ABCA13: variants seen among roughly 807,000 people sequenced by gnomAD.
ABCA13 encodes ATP-binding cassette sub-family A member 13.
In ABCA13, 476 loss-of-function variants were observed where a neutral mutation model predicts 478.7. That is an observed-to-expected ratio of 0.99 (90% CI 0.92 to 1.07). The LOEUF is 1.07. ABCA13 is among the 50% of genes least tolerant of loss of function. The probability of loss-of-function intolerance (pLI) is 0.00; values close to 1 mark genes in which losing one functional copy is unlikely to be tolerated. For missense variants in ABCA13, 6,060 were observed against 5,910.6 expected, an observed-to-expected ratio of 1.03 and a Z score of -0.83; for synonymous variants, 2,252 against 2,158.9, an observed-to-expected ratio of 1.04 and a Z score of -1.20.
intron 56 of ABCA13, 121 bp from the exon 57 acceptor site, chr7:48,587,033 T>G: frequency 7.7e-7 from 1 of 1,303,496 alleles, no homozygotes; most frequent in Non-Finnish European, 1.1e-6. Context: ...ATGTACTTGA[T>G]TGTATGTGTG....
At chr7:48,328,629 G>A (rs1025219893) in intron 27 of ABCA13, among the ~76,000 whole-genome samples, 1 of 151,774 alleles carries the variant, frequency 6.6e-6, no homozygotes, top group African/African-American at 2.4e-5. Flanking sequence ...TCCATCATTC[G>A]TTTTCCTGTC....
intron 39 of ABCA13, among the ~76,000 whole-genome samples, chr7:48,407,112 G>A (rs1257430121): frequency 6.6e-6 from 1 of 152,028 alleles, no homozygotes; most frequent in African/African-American, 2.4e-5. Context: ...GTGATGTTTT[G>A]ATACACTGTT....
At chr7:48,594,488 T>C (rs1790079636) in intron 57 of ABCA13, among the ~76,000 whole-genome samples, 1 of 152,156 alleles carries the variant, frequency 6.6e-6, no homozygotes, top group South Asian at 2.1e-4. Context: ...CTGGGTAGCA[T>C]GCTGCATGGC....
intron 59 of ABCA13, among the ~76,000 whole-genome samples, chr7:48,642,454 G>C (rs1795162095): frequency 6.6e-6 from 1 of 152,152 alleles, no homozygotes. Flanking sequence ...ACCAGTGCTA[G>C]GTACTAGGTA....
intron 16 of ABCA13, among the ~76,000 whole-genome samples, chr7:48,270,963 TGTATTATCCTGC>T (rs1446277172): frequency 6.6e-6 from 1 of 152,200 alleles, no homozygotes; most frequent in Non-Finnish European, 1.5e-5. Flanking sequence ...CAGTTTCAAG[TGTATTATCCTGC>T]GTCGCGAGAT....
intron 3 of ABCA13, among the ~76,000 whole-genome samples, chr7:48,199,362 C>T (rs1044954944): frequency 6.6e-6 from 1 of 152,124 alleles, no homozygotes; most frequent in Admixed American, 6.5e-5. Context: ...GATCAAGGTG[C>T]CAGCTGATCT....
At chr7:48,581,382 G>A (rs1300874670) in intron 56 of ABCA13, among the ~76,000 whole-genome samples, 2 of 152,114 alleles carry the variant, frequency 1.3e-5, no homozygotes, top group Non-Finnish European at 2.9e-5. Flanking sequence ...TAAGGACTCT[G>A]GCCCCTTTTC....
At chr7:48,298,523 T>C (rs1329412092) in intron 23 of ABCA13, 36 bp downstream of exon 23, 3 of 1,599,140 alleles carry the variant, frequency 1.9e-6, no homozygotes, top group African/African-American at 1.3e-5. Context: ...GTTTTGCTCA[T>C]GGAAGGAGCC....
chr7:48,483,152 A>G lies in ABCA13; in HGVS notation c.13171A>G (p.Thr4391Ala), dbSNP rs775426454. 6 of 1,612,270 alleles carry G rather than the reference A, an allele frequency of 3.7e-6. No homozygotes were observed. In the East Asian group the frequency reaches 1.3e-4, roughly 36 times the overall value. Residue 4391 changes from threonine (T) to alanine (A), a missense_variant, in exon 47 of 62, where the codon ACT (threonine) becomes GCT (alanine). Physicochemically the swap from Thr to Ala is moderately conservative, Grantham distance 58 (BLOSUM62 0). Around this residue, in one of 3 missense-constraint regions of ABCA13, gnomAD observed 1,627 missense variants for 1,571.0 expected, o/e 1.04. Transcript: ENST00000435803. The part of the protein sequence containing the change: ...GANGNISKPP[T>A]LAKVWYNQKG... ...AAATGGAAACATATCAAAACCCCCAACTCTGGCAAAGGTAATCATATTTTT... is the reference window on the plus strand; with the variant it reads ...AAATGGAAACATATCAAAACCCCCAGCTCTGGCAAAGGTAATCATATTTTT...
rs1378561510 is a variant in ABCA13, at chr7:48,507,880, G to A, written c.13355G>A (p.Ser4452Asn). 2.5e-6 allele frequency: 4 copies of A among 1,607,650 alleles called. No individual in the cohort carries two copies. Among genetic ancestry groups the A allele is most frequent in the East Asian group, 2.2e-5 (1 of 44,580 alleles). The change falls in exon 50 of 62, where the codon AGC becomes AAC. Residue 4452 changes from serine to asparagine, a missense_variant. Around this residue, in one of 3 missense-constraint regions of ABCA13, gnomAD observed 1,627 missense variants for 1,571.0 expected, o/e 1.04. Transcript: ENST00000435803. ...ALLNEDKILE[S>N]IRQCGVALCI... The stretch of plus-strand genomic sequence containing the variant: ...CTCTGTTCCACCCGCAGCCTGGAGA[G>A]CATCCGTCAGTGTGGAGTGGCCCTC...
intron 37 of ABCA13, 44 bp from the exon 38 acceptor site, chr7:48,391,877 A>G: frequency 6.4e-6 from 10 of 1,560,972 alleles, no homozygotes; most frequent in Non-Finnish European, 7.9e-6. Flanking sequence ...CGTTCACAGT[A>G]TCAGCAACGC....
intron 30 of ABCA13, among the ~76,000 whole-genome samples, 160 bp downstream of exon 30, chr7:48,350,979 A>T (rs1450328884): frequency 6.6e-6 from 1 of 152,252 alleles, no homozygotes; most frequent in Admixed American, 6.5e-5. Context: ...CCTTGGATAA[A>T]ACATAAAATG....
intron 55 of ABCA13, among the ~76,000 whole-genome samples, chr7:48,559,346 G>A (rs1040268025): frequency 1.3e-5 from 2 of 152,092 alleles, no homozygotes; most frequent in Non-Finnish European, 2.9e-5. Flanking sequence ...CAAGGCCAAC[G>A]CTGATGTCCC....
intron 24 of ABCA13, among the ~76,000 whole-genome samples, chr7:48,311,686 A>T (rs1279164818): frequency 1.3e-5 from 2 of 152,202 alleles, no homozygotes; most frequent in African/African-American, 2.4e-5. Context: ...CATTAATAAC[A>T]ACAGCTCTTA....
intron 7 of ABCA13, 79 bp from the exon 8 acceptor site, chr7:48,233,939 G>T: frequency 6.6e-7 from 1 of 1,513,730 alleles, no homozygotes; most frequent in Non-Finnish European, 9.0e-7. Context: ...GTGAAAAAAG[G>T]TATTTTTTTT....
intron 7 of ABCA13, among the ~76,000 whole-genome samples, chr7:48,232,139 A>ATTTTTTTTTGTTTTTTTTT (rs1789205405): frequency 1.9e-5 from 1 of 51,318 alleles, no homozygotes; most frequent in East Asian, 5.4e-4. Context: ...CCCACATGGA[A>ATTTTTTTTTGTTTTTTTTT]TTTTTTTTTT....
intron 58 of ABCA13, among the ~76,000 whole-genome samples, chr7:48,608,615 A>G (rs1420608643): frequency 2.0e-5 from 3 of 152,236 alleles, no homozygotes; most frequent in Non-Finnish European, 4.4e-5. Context: ...GCATTACCCA[A>G]TGGTCCAAAT....
At chr7:48,448,087 G>T (rs975254984) in intron 42 of ABCA13, among the ~76,000 whole-genome samples, 2 of 152,190 alleles carry the variant, frequency 1.3e-5, no homozygotes, top group African/African-American at 4.8e-5. Flanking sequence ...CCAATGGGCA[G>T]ATGCCTGACA....
intron 12 of ABCA13, 59 bp from the exon 13 acceptor site, chr7:48,245,804 G>T: frequency 6.6e-7 from 1 of 1,515,804 alleles, no homozygotes; most frequent in Non-Finnish European, 8.9e-7. Flanking sequence ...TTGAGCCCAT[G>T]AAGAGGGTAT....
Sources: allele counts gnomAD v4.1 joint callset (sites outside exome capture counted in the v4.1 genomes callset), GRCh38; gene constraint gnomAD v4.1.1; regional missense constraint gnomAD v4.1.1; transcripts MANE v1.5; gene names NCBI Gene and HGNC (gene_info 2026-07-23, HGNC 2026-07-21).